The following OMA1 variants were observed in gnomAD, a reference collection of about 807,000 sequenced individuals.
OMA1 encodes the protein metalloendopeptidase OMA1, mitochondrial.
OMA1 carries 38 observed loss-of-function variants against 30.9 expected under a neutral mutation model. The observed-to-expected ratio is 1.23, with a 90% CI of 0.95 to 1.61. The LOEUF (loss-of-function observed/expected upper bound fraction) is 1.61, where lower values mean the gene tolerates loss of function less well. Ranked by LOEUF, OMA1 falls within the 40% of genes most tolerant of loss-of-function variation. OMA1 has a pLI of 0.00. For missense variants in OMA1, 461 were observed against 349.2 expected (o/e 1.32, Z -2.55); for synonymous variants, 173 against 121.9 (o/e 1.42, Z -2.76).
At chr1:58,496,492 G>C (rs1247813883) in intron 8 of OMA1, among the ~76,000 whole-genome samples, 1 of 152,078 alleles carries the variant, frequency 6.6e-6, no homozygotes, top group African/African-American at 2.4e-5. Context: ...TTTGACTTGA[G>C]ATTTGGTTTT....
intron 7 of OMA1, among the ~76,000 whole-genome samples, chr1:58,522,778 A>G (rs1646287053): frequency 6.6e-6 from 1 of 152,202 alleles, no homozygotes; most frequent in Admixed American, 6.5e-5. Context: ...TAAGCTAGAG[A>G]AAGGAAAATG....
chr1:58,516,359 G>C (rs1557449254), intron 7 of OMA1, among the ~76,000 whole-genome samples: 1 of 152,148 alleles, frequency 6.6e-6, no homozygotes, highest in Non-Finnish European at 1.5e-5. Context: ...ACTGCAAAGT[G>C]TCAAAAGCTC....
At chr1:58,523,892 C>G (rs759055648) in intron 7 of OMA1, among the ~76,000 whole-genome samples, 1 of 151,928 alleles carries the variant, frequency 6.6e-6, no homozygotes, top group Non-Finnish European at 1.5e-5. Flanking sequence ...GAGCGAGACT[C>G]CATCTCAAAA....
At chr1:58,542,571 A>G (rs1270788173) in intron 1 of OMA1, 1 of 145,114 alleles carries the variant, frequency 6.9e-6, no homozygotes, top group African/African-American at 2.6e-5. Flanking sequence ...CAGATGCAGA[A>G]AGACAAAAAA....
intron 7 of OMA1, among the ~76,000 whole-genome samples, chr1:58,523,629 G>A (rs1235080235): frequency 1.3e-5 from 2 of 152,164 alleles, no homozygotes; most frequent in Non-Finnish European, 2.9e-5. Context: ...GCCGGGCGCA[G>A]TGGCTCACAC....
At chr1:58,518,805 A>G (rs974657933) in intron 7 of OMA1, among the ~76,000 whole-genome samples, 5 of 152,172 alleles carry the variant, frequency 3.3e-5, no homozygotes, top group Non-Finnish European at 7.4e-5. Flanking sequence ...AGAAGAGGAG[A>G]TAGCAGACAG....
At chr1:58,529,889 A>T (rs555718004) in intron 6 of OMA1, among the ~76,000 whole-genome samples, 86 of 151,030 alleles carry the variant, frequency 5.7e-4, no homozygotes, top group African/African-American at 1.8e-3. Flanking sequence ...TTTTATTTTT[A>T]TTTTTTTTTG....
At chr1:58,541,381 T>C (rs1173229391) in intron 1 of OMA1, 1 of 110,076 alleles carries the variant, frequency 9.1e-6, no homozygotes. Context: ...CTCTATAATA[T>C]AAACTGCAAA....
chr1:58,493,876 C>A (rs1386073299), intron 8 of OMA1, among the ~76,000 whole-genome samples: 6 of 151,426 alleles, frequency 4.0e-5, no homozygotes, highest in African/African-American at 1.2e-4. Flanking sequence ...CCATCCCCAT[C>A]AAGCTACCAA....
chr1:58,502,401 C>A (rs1271351160), intron 8 of OMA1, among the ~76,000 whole-genome samples: 2 of 152,182 alleles, frequency 1.3e-5, no homozygotes, highest in Non-Finnish European at 2.9e-5. Flanking sequence ...GTGAACTCAT[C>A]CATTCTCATT....
intron 8 of OMA1, among the ~76,000 whole-genome samples, chr1:58,485,388 G>A (rs1645560453): frequency 1.3e-5 from 2 of 151,692 alleles, no homozygotes; most frequent in African/African-American, 2.4e-5. Flanking sequence ...CTGAATAAAT[G>A]TACTTTGGAG....
intron 7 of OMA1, among the ~76,000 whole-genome samples, chr1:58,514,998 A>C (rs978537160): frequency 6.6e-6 from 1 of 152,206 alleles, no homozygotes; most frequent in African/African-American, 2.4e-5. Context: ...GACAGTGCCC[A>C]GCACATTAAA....
At chr1:58,533,836 C>A in intron 5 of OMA1, 117 bp downstream of exon 5, 1 of 692,924 alleles carries the variant, frequency 1.4e-6, no homozygotes, top group South Asian at 1.6e-5. Context: ...GGCAATTACC[C>A]AAAACTAAAA....
chr1:58,535,595 C>CAA lies in OMA1; in HGVS notation c.729+916_729+917dup, dbSNP rs11315198. ...TGGGTGACAGAGCAAGTCTCTGTCTCAAAAAAAAAAAAAAAAAAAAGATTC... is the reference window on the plus strand; with the variant it reads ...TGGGTGACAGAGCAAGTCTCTGTCTCAAAAAAAAAAAAAAAAAAAAAAGATTC... On this transcript the variant is annotated intron_variant, in intron 3 of 8. Coordinates refer to ENST00000371226, the MANE Select transcript of OMA1 (RefSeq NM_145243.5). 1.3e-3 allele frequency among the ~76,000 whole-genome samples: 121 copies of CAA among 95,512 alleles called. 1 individual carries two copies. The highest frequency in any genetic ancestry group is 3.3e-3 in the African/African-American group (84 of 25,528). The allele number at this position is 95,512 out of a possible 152,430, so 62.7% of individuals were successfully genotyped here.
intron 8 of OMA1, among the ~76,000 whole-genome samples, chr1:58,484,593 C>T (rs1165449352): frequency 6.6e-6 from 1 of 152,038 alleles, no homozygotes; most frequent in African/African-American, 2.4e-5. Context: ...AAGTTAAATG[C>T]CGGGCAAGGA....
chr1:58,536,397 C>T (rs986700874), intron 3 of OMA1, 116 bp downstream of exon 3: 17 of 631,718 alleles, frequency 2.7e-5, no homozygotes, highest in South Asian at 2.2e-4. Context: ...AAAAAAAATG[C>T]TAATTTCATA....
rs367686780 is a variant in OMA1 at position 58,514,694 on chromosome 1, T to C, written c.1216-8485A>G. On this transcript the variant is annotated intron_variant, in intron 7 of 8. Coordinates refer to ENST00000371226, the MANE Select transcript of OMA1 (RefSeq NM_145243.5). ...ATTGTGGCAGGGGGAGCTGGGCTCC[T>C]ACAGCTAGAAAAATACACTGAGGCT... Among the ~76,000 whole-genome samples the C allele has an allele frequency of 7.2e-3, 1,099 of 152,278 alleles. 18 individuals are homozygous for C. The highest frequency in any genetic ancestry group is 0.025 in the African/African-American group (1,037 of 41,552).
At chr1:58,511,301 G>A (rs911343442) in intron 7 of OMA1, among the ~76,000 whole-genome samples, 5 of 152,122 alleles carry the variant, frequency 3.3e-5, no homozygotes, top group African/African-American at 1.2e-4. Context: ...ACAGAAGAGA[G>A]AGCCCAAAAT....
chr1:58,513,925 C>A (rs1646120751), intron 7 of OMA1, among the ~76,000 whole-genome samples: 1 of 152,158 alleles, frequency 6.6e-6, no homozygotes, highest in Non-Finnish European at 1.5e-5. Context: ...CACAAGTAGT[C>A]TGGTGACAGA....
Sources: gnomAD v4.1 joint callset for allele counts (sites outside exome capture counted in the v4.1 genomes callset) on GRCh38, gnomAD v4.1.1 for gene constraint, MANE v1.5 for transcripts, NCBI Gene and HGNC (gene_info 2026-07-23, HGNC 2026-07-21) for gene names.